MCF2L2: variants seen among roughly 807,000 people sequenced by gnomAD.
MCF2L2 encodes the protein probable guanine nucleotide exchange factor MCF2L2.
In MCF2L2, 102 loss-of-function variants were observed where a neutral mutation model predicts 150.2. The ratio of observed to expected loss-of-function variants is 0.68; its 90% CI spans 0.58 to 0.80. The LOEUF is 0.80. Among genes scored for constraint, MCF2L2 ranks in the 30% least tolerant of loss-of-function variants. MCF2L2 has a pLI of 0.00. For synonymous variants in MCF2L2, 465 were observed against 491.3 expected, an observed-to-expected ratio of 0.95 and a Z score of 0.71; for missense variants, 1,256 against 1,372.8, an observed-to-expected ratio of 0.91 and a Z score of 1.34.
intron 27 of MCF2L2, among the ~76,000 whole-genome samples, chr3:183,192,426 A>G (rs548793020): frequency 7.9e-5 from 12 of 152,340 alleles, no homozygotes; most frequent in Admixed American, 7.2e-4. Flanking sequence ...GGCGTGAGCC[A>G]CCGTGCTTGG....
intron 5 of MCF2L2, among the ~76,000 whole-genome samples, chr3:183,329,913 A>G (rs887173290): frequency 6.6e-6 from 1 of 152,162 alleles, no homozygotes; most frequent in African/African-American, 2.4e-5. Context: ...AACACAATGG[A>G]AAGTATTTCT....
intron 27 of MCF2L2, among the ~76,000 whole-genome samples, chr3:183,185,789 T>C (rs1721672004): frequency 6.6e-6 from 1 of 152,230 alleles, no homozygotes; most frequent in African/African-American, 2.4e-5. Context: ...GGCTGGTCTA[T>C]AGCTGAAACG....
chr3:183,245,427 C>T (rs1724206548), intron 15 of MCF2L2, among the ~76,000 whole-genome samples: 1 of 152,054 alleles, frequency 6.6e-6, no homozygotes, highest in African/African-American at 2.4e-5. Flanking sequence ...CTGCCCAGAG[C>T]AGAGTTTGGA....
At chr3:183,364,225 T>G (rs1376822814) in intron 3 of MCF2L2, among the ~76,000 whole-genome samples, 2 of 151,998 alleles carry the variant, frequency 1.3e-5, no homozygotes, top group African/African-American at 4.8e-5. Flanking sequence ...ATATTAAAGA[T>G]AAAGGCAGAG....
intron 3 of MCF2L2, among the ~76,000 whole-genome samples, chr3:183,342,723 G>A (rs1730753822): frequency 6.6e-6 from 1 of 151,054 alleles, no homozygotes; most frequent in Non-Finnish European, 1.5e-5. Context: ...CTGGCACTTG[G>A]TAATACTGTA....
intron 15 of MCF2L2, among the ~76,000 whole-genome samples, chr3:183,257,154 A>G (rs1725116678): frequency 6.6e-6 from 1 of 152,252 alleles, no homozygotes; most frequent in Non-Finnish European, 1.5e-5. Context: ...TGGAACATCT[A>G]ATCTGGACTG....
intron 20 of MCF2L2, among the ~76,000 whole-genome samples, chr3:183,220,795 A>C (rs1208124396): frequency 2.6e-5 from 4 of 152,050 alleles, no homozygotes; most frequent in Non-Finnish European, 5.9e-5. Context: ...TTTTTAAAAA[A>C]ACGTTTGCTA....
At chr3:183,256,987 TCCTA>T (rs1379149605) in intron 15 of MCF2L2, among the ~76,000 whole-genome samples, 1 of 152,102 alleles carries the variant, frequency 6.6e-6, no homozygotes, top group Non-Finnish European at 1.5e-5. Flanking sequence ...TTTTAAAAAC[TCCTA>T]CCTAATTAAT....
At chr3:183,390,471 T>C (rs539388451) in intron 1 of MCF2L2, among the ~76,000 whole-genome samples, 1 of 152,240 alleles carries the variant, frequency 6.6e-6, no homozygotes, top group Non-Finnish European at 1.5e-5. Context: ...AAGTGACTTA[T>C]AAGCCCTGTG....
chr3:183,424,274 TAA>T lies in MCF2L2; in HGVS notation c.76+3626_76+3627del, dbSNP rs201045222. Among the ~76,000 whole-genome samples the T allele has an allele frequency of 9.3e-3, 1,423 of 152,310 alleles. 8 individuals are homozygous for T. Among genetic ancestry groups the T allele is most frequent in the Non-Finnish European group, 0.015 (1,046 of 68,020 alleles). ...GTTCACATGTGAACTGCATATTTTA[TAA>T]GAGTTCCTGACTAATGGACAAAATC... On this transcript the variant is annotated intron_variant, in intron 1 of 29. Coordinates refer to ENST00000328913, the MANE Select transcript of MCF2L2 (RefSeq NM_015078.4).
intron 3 of MCF2L2, among the ~76,000 whole-genome samples, chr3:183,354,023 G>A (rs1410854465): frequency 6.6e-6 from 1 of 151,974 alleles, no homozygotes; most frequent in Non-Finnish European, 1.5e-5. Context: ...GGATTTCAAA[G>A]AAACCTAAAA....
chr3:183,405,534 CAG>C lies in MCF2L2; in HGVS notation c.77-15757_77-15756del, dbSNP rs1715000198. Among the ~76,000 whole-genome samples the C allele has an allele frequency of 2.0e-5, 3 of 152,224 alleles. No homozygotes were observed. In the South Asian group the frequency reaches 6.2e-4, roughly 32 times the overall value. On this transcript the variant is annotated intron_variant, in intron 1 of 29. Coordinates refer to ENST00000328913, the MANE Select transcript of MCF2L2 (RefSeq NM_015078.4). ...GCATTCCTATAGTTTTACCTTTTCC[CAG>C]TATCATAGAAAGATTAGTATGTACC...
At chr3:183,292,576 C>T (rs1728221221) in intron 13 of MCF2L2, among the ~76,000 whole-genome samples, 1 of 151,844 alleles carries the variant, frequency 6.6e-6, no homozygotes, top group Non-Finnish European at 1.5e-5. Flanking sequence ...CACACACACA[C>T]ACACACACAC....
At chr3:183,278,358 A>ATGTG (rs747856599) in intron 14 of MCF2L2, among the ~76,000 whole-genome samples, 1 of 149,814 alleles carries the variant, frequency 6.7e-6, no homozygotes, top group Non-Finnish European at 1.5e-5. Flanking sequence ...GCCACTATGT[A>ATGTG]TGTGTGTGTG....
intron 5 of MCF2L2, among the ~76,000 whole-genome samples, chr3:183,335,712 TA>T (rs1392114533): frequency 3.3e-5 from 5 of 151,388 alleles, no homozygotes; most frequent in Non-Finnish European, 4.4e-5. Flanking sequence ...TAAAAAAAAT[TA>T]AAAAATCAGC....
chr3:183,398,772 G>A (rs1334920508), intron 1 of MCF2L2, among the ~76,000 whole-genome samples: 1 of 152,110 alleles, frequency 6.6e-6, no homozygotes, highest in Non-Finnish European at 1.5e-5. Context: ...TAACGTGGCA[G>A]TAATGTCAGA....
At chr3:183,421,476 A>T (rs996850917) in intron 1 of MCF2L2, among the ~76,000 whole-genome samples, 9 of 152,048 alleles carry the variant, frequency 5.9e-5, no homozygotes, top group Non-Finnish European at 1.3e-4. Flanking sequence ...TTCGTTTTTT[A>T]TAGAGACAAG....
Position 183,338,907 on chromosome 3 carries a change from C to T in MCF2L2, c.379G>A (p.Gly127Arg). 1 of 1,597,722 alleles carries T rather than the reference C, an allele frequency of 6.3e-7. No individual in the cohort carries two copies. Among genetic ancestry groups the T allele is most frequent in the South Asian group, 1.1e-5 (1 of 89,428 alleles). ...AGGATGAATATGAGCTGTAAGTTTC[C>T]TGGAAATGCCACCTGCAAGCATCAG... ...SLTRIAVAFPGNLQLIFILRP... is the reference protein window; with the variant it reads ...SLTRIAVAFPRNLQLIFILRP... Residue 127 changes from glycine to arginine, a missense_variant, in exon 5 of 30, where the codon GGA (glycine) becomes AGA (arginine). Coordinates refer to ENST00000328913, the MANE Select transcript of MCF2L2 (RefSeq NM_015078.4).
intron 3 of MCF2L2, among the ~76,000 whole-genome samples, chr3:183,346,475 G>T (rs1302161896): frequency 1.3e-5 from 2 of 152,178 alleles, no homozygotes; most frequent in East Asian, 3.8e-4. Context: ...GGCAAAGCTG[G>T]AAGCATTCCC....
Sources: gnomAD v4.1 joint callset for allele counts (sites outside exome capture counted in the v4.1 genomes callset) on GRCh38, gnomAD v4.1.1 for gene constraint, MANE v1.5 for transcripts, NCBI Gene and HGNC (gene_info 2026-07-23, HGNC 2026-07-21) for gene names.